ANO2: variants seen among roughly 807,000 people sequenced by gnomAD.
The protein encoded by ANO2 is anoctamin-2.
Under a neutral mutation model 124.2 loss-of-function variants are expected in ANO2, and 101 were observed. The ratio of observed to expected loss-of-function variants is 0.81; its 90% CI spans 0.69 to 0.96. ANO2 has a LOEUF of 0.96. Among genes scored for constraint, ANO2 ranks in the 40% least tolerant of loss-of-function variants. The pLI is 0.00. For missense variants in ANO2, 1,293 were observed against 1,274.5 expected (o/e 1.01, Z -0.22); for synonymous variants, 486 against 482.5 (o/e 1.01, Z -0.09).
At chr12:5,803,558 C>T (rs1251851496) in intron 9 of ANO2, among the ~76,000 whole-genome samples, 5 of 152,076 alleles carry the variant, frequency 3.3e-5, no homozygotes, top group African/African-American at 4.8e-5. Context: ...CAGTGGGAGC[C>T]GGGCAGCCCT....
At chr12:5,689,265 C>A (rs1014313893) in intron 14 of ANO2, among the ~76,000 whole-genome samples, 2 of 152,112 alleles carry the variant, frequency 1.3e-5, no homozygotes, top group Non-Finnish European at 2.9e-5. Context: ...AGGGCAGAAT[C>A]TTTGACCTAA....
intron 1 of ANO2, among the ~76,000 whole-genome samples, chr12:5,936,419 A>C (rs1942655854): frequency 6.6e-6 from 1 of 152,312 alleles, no homozygotes; most frequent in South Asian, 2.1e-4. Context: ...CTGCCTTTAC[A>C]AATGGGTTAG....
intron 4 of ANO2, among the ~76,000 whole-genome samples, chr12:5,853,317 A>C (rs1156610814): frequency 6.6e-6 from 1 of 150,940 alleles, no homozygotes; most frequent in East Asian, 1.9e-4. Context: ...GTAGATTTTT[A>C]AATTATGTAT....
chr12:5,679,357 A>C (rs1215677711), intron 14 of ANO2, among the ~76,000 whole-genome samples: 5 of 152,360 alleles, frequency 3.3e-5, no homozygotes, highest in Middle Eastern at 3.4e-3. Context: ...GATGACCCGC[A>C]GAATGGGAGA....
intron 15 of ANO2, among the ~76,000 whole-genome samples, chr12:5,641,597 T>TGCGAAGG (rs1180358487): frequency 1.3e-5 from 2 of 152,184 alleles, no homozygotes; most frequent in African/African-American, 4.8e-5. Context: ...AGCACCTGAC[T>TGCGAAGG]GTGAAGGGTG....
intron 1 of ANO2, among the ~76,000 whole-genome samples, chr12:5,943,288 TGTG>T (rs1942967040): frequency 6.7e-6 from 1 of 148,728 alleles, no homozygotes; most frequent in Non-Finnish European, 1.5e-5. Context: ...TGTGTGTGTG[TGTG>T]TGTGTGTGTG....
At chr12:5,601,899 G>T (rs1179282555) in intron 19 of ANO2, among the ~76,000 whole-genome samples, 1 of 152,250 alleles carries the variant, frequency 6.6e-6, no homozygotes, top group Non-Finnish European at 1.5e-5. Context: ...CACAGTGGAA[G>T]ATGGTAGAGA....
chr12:5,685,779 C>T (rs1948676619), intron 14 of ANO2, among the ~76,000 whole-genome samples: 1 of 145,718 alleles, frequency 6.9e-6, no homozygotes. Context: ...CCTGTCTCAA[C>T]AACAACAACA....
chr12:5,945,152 A>G, intron 1 of ANO2, 44 bp downstream of exon 1: 1 of 1,282,630 alleles, frequency 7.8e-7, no homozygotes, highest in Non-Finnish European at 1.0e-6. Context: ...CCTCCCTCCT[A>G]CCACCTGTAG....
chr12:5,616,797 A>G (rs559042184), intron 16 of ANO2, among the ~76,000 whole-genome samples: 39 of 152,244 alleles, frequency 2.6e-4, no homozygotes, highest in African/African-American at 9.2e-4. Context: ...ATATCCTTTA[A>G]TATATAGGTG....
intron 9 of ANO2, among the ~76,000 whole-genome samples, chr12:5,799,816 T>C (rs189218789): frequency 5.6e-4 from 86 of 152,308 alleles, no homozygotes; most frequent in Non-Finnish European, 3.1e-4. Flanking sequence ...GAACCCCGTC[T>C]TCTTTATTCC....
At chr12:5,654,471 G>C (rs1398766715) in intron 14 of ANO2, among the ~76,000 whole-genome samples, 4 of 152,166 alleles carry the variant, frequency 2.6e-5, no homozygotes, top group Non-Finnish European at 4.4e-5. Flanking sequence ...TCTGTGTACT[G>C]TCTGAGGAGC....
intron 14 of ANO2, among the ~76,000 whole-genome samples, chr12:5,681,751 T>C (rs1212067952): frequency 6.6e-6 from 1 of 152,212 alleles, no homozygotes; most frequent in East Asian, 1.9e-4. Context: ...ACCCCTGTGG[T>C]TGTTTTTTGA....
chr12:5,820,220 C>T (rs1440909262), intron 7 of ANO2, among the ~76,000 whole-genome samples: 1 of 152,136 alleles, frequency 6.6e-6, no homozygotes, highest in Non-Finnish European at 1.5e-5. Flanking sequence ...AATCTTTCTC[C>T]CATCCTTCCC....
In ANO2 at chr12:5,589,587, G is replaced by A. The variant is rs116168299; in HGVS notation, c.2233+9897C>T. Among the ~76,000 whole-genome samples, 1,023 of 152,158 alleles carry A rather than the reference G, an allele frequency of 6.7e-3. 8 individuals are homozygous for A. Among genetic ancestry groups the A allele is most frequent in the African/African-American group, 0.023 (962 of 41,510 alleles). ...ATGTTTTTAGTGACTATGCCCTGGC[G>A]GGGGGGTGCTGGGCAAGGCCCTGCA... On this transcript the variant is annotated intron_variant, in intron 20 of 24. Coordinates refer to ENST00000682330, the MANE Select transcript of ANO2 (RefSeq NM_001364791.2).
intron 10 of ANO2, among the ~76,000 whole-genome samples, chr12:5,786,512 G>A (rs1172129553): frequency 6.6e-6 from 1 of 152,180 alleles, no homozygotes; most frequent in Non-Finnish European, 1.5e-5. Context: ...CCCTTACAGA[G>A]TGAGAGGATG....
intron 22 of ANO2, 69 bp from the exon 23 acceptor site, chr12:5,576,084 T>C (rs1247496711): frequency 6.3e-6 from 9 of 1,436,590 alleles, no homozygotes; most frequent in Non-Finnish European, 8.4e-6. Flanking sequence ...ACTCTTAGGC[T>C]CCCCATCAGA....
intron 14 of ANO2, among the ~76,000 whole-genome samples, chr12:5,690,652 C>T (rs1034137736): frequency 5.9e-5 from 9 of 152,080 alleles, no homozygotes; most frequent in African/African-American, 2.2e-4. Flanking sequence ...CCTCGTAATG[C>T]GGCATGGGTT....
At position 5,921,369 on chromosome 12, in the gene ANO2, G is replaced by C; in HGVS notation, c.208-3C>G. On this transcript the variant is annotated splice_polypyrimidine_tract_variant and splice_region_variant and intron_variant, in intron 2 of 24. Transcript: ENST00000682330. ...GCATCCAGATAGTTGTTGATGACCT[G>C]GCCAGAGAGAGAGGAGAGGCAGGGC... 1 of 1,611,906 alleles carries C rather than the reference G, an allele frequency of 6.2e-7. No homozygotes were observed.
Sources: gnomAD v4.1 joint callset for allele counts (sites outside exome capture counted in the v4.1 genomes callset) on GRCh38, gnomAD v4.1.1 for gene constraint, MANE v1.5 for transcripts, NCBI Gene and HGNC (gene_info 2026-07-23, HGNC 2026-07-21) for gene names.